Variants in PHYHIPL observed in about 807,000 individuals in gnomAD.
PHYHIPL encodes the protein phytanoyl-CoA hydroxylase-interacting protein-like.
A neutral mutation model predicts 33.4 loss-of-function variants in PHYHIPL; 9 were observed. The observed-to-expected ratio is 0.27, with a 90% confidence interval of 0.16 to 0.47. The LOEUF is 0.47. Among genes scored for constraint, PHYHIPL ranks in the 20% least tolerant of loss-of-function variants. PHYHIPL has a pLI of 0.99. For missense variants in PHYHIPL, 365 were observed against 460.7 expected (o/e 0.79, Z 1.90); for synonymous variants, 153 against 154.1 (o/e 0.99, Z 0.05).
chr10:59,240,717 CAT>C (rs946232887), intron 4 of PHYHIPL, among the ~76,000 whole-genome samples: 1 of 152,044 alleles, frequency 6.6e-6, no homozygotes, highest in African/African-American at 2.4e-5. Flanking sequence ...TAAATAATTA[CAT>C]CTTTGATTTT....
intron 1 of PHYHIPL, among the ~76,000 whole-genome samples, chr10:59,179,061 T>C (rs1838329429): frequency 6.6e-6 from 1 of 152,194 alleles, no homozygotes; most frequent in African/African-American, 2.4e-5. Flanking sequence ...TGTTTAGAGA[T>C]GTTGTTAAAT....
chr10:59,196,713 G>A (rs749811761), intron 1 of PHYHIPL, among the ~76,000 whole-genome samples: 6 of 151,802 alleles, frequency 4.0e-5, no homozygotes, highest in Middle Eastern at 3.4e-3. Context: ...CACCGCGCCC[G>A]GCCAAGTACA....
chr10:59,201,642 G>T (rs567126247), intron 1 of PHYHIPL, among the ~76,000 whole-genome samples: 17 of 152,166 alleles, frequency 1.1e-4, no homozygotes, highest in South Asian at 6.2e-4. Context: ...GAGGCTGTCA[G>T]TTCTTGGGCC....
chr10:59,206,046 T>A (rs971926593), intron 1 of PHYHIPL, among the ~76,000 whole-genome samples: 4 of 152,158 alleles, frequency 2.6e-5, no homozygotes, highest in Non-Finnish European at 5.9e-5. Context: ...AAACTCTTAT[T>A]TTAACTTCTT....
intron 1 of PHYHIPL, among the ~76,000 whole-genome samples, chr10:59,199,070 A>G (rs995664232): frequency 6.6e-6 from 1 of 151,902 alleles, no homozygotes; most frequent in Non-Finnish European, 1.5e-5. Context: ...ATTAGATCCC[A>G]TTTGTCAATT....
chr10:59,180,335 T>C (rs1483592536), intron 1 of PHYHIPL, among the ~76,000 whole-genome samples: 1 of 75,940 alleles, frequency 1.3e-5, no homozygotes, highest in Non-Finnish European at 3.2e-5. Context: ...TATATATATA[T>C]ATATATATAT....
chr10:59,192,854 G>A (rs1471904699), intron 1 of PHYHIPL, among the ~76,000 whole-genome samples: 2 of 152,118 alleles, frequency 1.3e-5, no homozygotes, highest in African/African-American at 2.4e-5. Flanking sequence ...ATATTAAAGA[G>A]TAGGCTTGAA....
intron 1 of PHYHIPL, among the ~76,000 whole-genome samples, chr10:59,215,008 T>C (rs2133246843): frequency 6.6e-6 from 1 of 152,176 alleles, no homozygotes; most frequent in Middle Eastern, 3.4e-3. Context: ...TTGAAGTAAG[T>C]AGTATACTTT....
At chr10:59,207,980 C>T (rs954730998) in intron 1 of PHYHIPL, among the ~76,000 whole-genome samples, 1 of 151,968 alleles carries the variant, frequency 6.6e-6, no homozygotes, top group Non-Finnish European at 1.5e-5. Flanking sequence ...GGGGAAGGGA[C>T]GGCTGTCGGC....
intron 1 of PHYHIPL, among the ~76,000 whole-genome samples, chr10:59,179,322 C>A (rs1445110416): frequency 2.6e-5 from 4 of 152,118 alleles, no homozygotes; most frequent in African/African-American, 9.7e-5. Flanking sequence ...CGTTATTTTA[C>A]TTCTGTAACT....
At chr10:59,175,938 C>CA (rs1838240613), upstream of PHYHIPL, among the ~76,000 whole-genome samples, 1 of 152,248 alleles carries the variant, frequency 6.6e-6, no homozygotes, top group Non-Finnish European at 1.5e-5. Flanking sequence ...GGCCCCGCAG[C>CA]ATGTCTGCCG....
intron 4 of PHYHIPL, among the ~76,000 whole-genome samples, chr10:59,244,292 C>T (rs759963865): frequency 1.3e-5 from 2 of 152,046 alleles, no homozygotes; most frequent in Non-Finnish European, 2.9e-5. Flanking sequence ...AAGGGCTGAG[C>T]GTGGTGGCTC....
rs759601373 is a variant in PHYHIPL at position 59,223,606 on chromosome 10, GATAAA to G, written c.107-10691_107-10687del. Among the ~76,000 whole-genome samples the G allele has an allele frequency of 8.8e-4, 133 of 151,846 alleles. 3 individuals carry two copies. Among genetic ancestry groups the G allele is most frequent in the Non-Finnish European group, 1.3e-3 (90 of 67,944 alleles). ...AATGTAAATAAATATGAATAACGAT[GATAAA>G]ATAAAAATAATAAAAATAACTGAGT... On this transcript the variant is annotated intron_variant, in intron 1 of 4. Transcript: ENST00000373880.
At chr10:59,216,579 C>G (rs1486758881) in intron 1 of PHYHIPL, among the ~76,000 whole-genome samples, 1 of 152,042 alleles carries the variant, frequency 6.6e-6, no homozygotes, top group African/African-American at 2.4e-5. Flanking sequence ...AGGTGCCATA[C>G]TTTAGGTAGC....
At chr10:59,229,324 A>G (rs1356503868) in intron 1 of PHYHIPL, among the ~76,000 whole-genome samples, 1 of 152,180 alleles carries the variant, frequency 6.6e-6, no homozygotes, top group Non-Finnish European at 1.5e-5. Flanking sequence ...TCATCAGGTA[A>G]ATACACATGT....
chr10:59,227,469 G>A (rs999533476), intron 1 of PHYHIPL, among the ~76,000 whole-genome samples: 3 of 152,106 alleles, frequency 2.0e-5, no homozygotes, highest in Non-Finnish European at 2.9e-5. Flanking sequence ...TCCCACTAAG[G>A]CCTCACTTCC....
intron 3 of PHYHIPL, among the ~76,000 whole-genome samples, 177 bp from the exon 4 acceptor site, chr10:59,238,411 T>C (rs1840289560): frequency 6.6e-6 from 1 of 151,972 alleles, no homozygotes; most frequent in South Asian, 2.1e-4. Flanking sequence ...AAAAATATTT[T>C]TGTAGGAAGA....
At chr10:59,234,696 G>T (rs1840172502) in intron 2 of PHYHIPL, among the ~76,000 whole-genome samples, 196 bp downstream of exon 2, 1 of 151,720 alleles carries the variant, frequency 6.6e-6, no homozygotes, top group African/African-American at 2.4e-5. Context: ...CATGCTTTTT[G>T]TTAGAAGATA....
intron 1 of PHYHIPL, chr10:59,177,245 C>T: frequency 1.7e-6 from 1 of 583,262 alleles, no homozygotes; most frequent in South Asian, 2.4e-5. Flanking sequence ...TTCCCGCTCG[C>T]GGCTCCTGCC....
Sources: allele counts gnomAD v4.1 joint callset (sites outside exome capture counted in the v4.1 genomes callset), GRCh38; gene constraint gnomAD v4.1.1; transcripts MANE v1.5; gene names NCBI Gene and HGNC (gene_info 2026-07-23, HGNC 2026-07-21).